The following ERC2 variants were observed in gnomAD, a reference collection of about 807,000 sequenced individuals.
ERC2 encodes the protein ELKS/RAB6-interacting/CAST family member 2.
In ERC2, 42 loss-of-function variants were observed where a neutral mutation model predicts 114.8. That is an observed-to-expected ratio of 0.37 (90% CI 0.29 to 0.47). The LOEUF is 0.47. ERC2 is among the 20% of genes least tolerant of loss of function. The pLI, the probability that ERC2 is intolerant of heterozygous loss-of-function variation, is 0.99. For missense variants in ERC2, 939 were observed against 1,150.7 expected (o/e 0.82, Z 2.66); for synonymous variants, 454 against 425.5 (o/e 1.07, Z -0.82).
At chr3:55,753,684 C>T (rs182031522) in intron 14 of ERC2, among the ~76,000 whole-genome samples, 74 of 152,274 alleles carry the variant, frequency 4.9e-4, no homozygotes, top group South Asian at 1.2e-3. Context: ...AATTCACGAA[C>T]GGAAAACGAC....
chr3:56,097,071 CATT>C (rs2078102286), intron 6 of ERC2, among the ~76,000 whole-genome samples: 4 of 152,166 alleles, frequency 2.6e-5, no homozygotes, highest in Non-Finnish European at 5.9e-5. Context: ...GACTTCACAT[CATT>C]GAGTTTTAGG....
At chr3:56,241,348 C>A (rs1169317597) in intron 3 of ERC2, among the ~76,000 whole-genome samples, 1 of 152,104 alleles carries the variant, frequency 6.6e-6, no homozygotes, top group Non-Finnish European at 1.5e-5. Context: ...AACAAGATAT[C>A]ATCTCACACC....
At chr3:56,319,134 T>A (rs1394907553) in intron 2 of ERC2, among the ~76,000 whole-genome samples, 1 of 152,102 alleles carries the variant, frequency 6.6e-6, no homozygotes. Flanking sequence ...AATCCTACTC[T>A]GGGTATTTAT....
intron 7 of ERC2, among the ~76,000 whole-genome samples, chr3:56,038,119 A>G (rs2074917979): frequency 6.6e-6 from 1 of 152,238 alleles, no homozygotes; most frequent in Non-Finnish European, 1.5e-5. Context: ...ACACAGCAAA[A>G]GAAACTATCA....
intron 2 of ERC2, among the ~76,000 whole-genome samples, chr3:56,358,270 C>T (rs2058819639): frequency 6.6e-6 from 1 of 152,170 alleles, no homozygotes; most frequent in South Asian, 2.1e-4. Flanking sequence ...GCACTAGTCC[C>T]CATCCTCCTC....
chr3:56,064,970 T>C (rs568461282), intron 7 of ERC2, among the ~76,000 whole-genome samples: 2 of 152,354 alleles, frequency 1.3e-5, no homozygotes, highest in East Asian at 1.9e-4. Context: ...TAAGCACCTA[T>C]AACATGCCAG....
At chr3:55,641,252 T>A (rs986693043) in intron 17 of ERC2, among the ~76,000 whole-genome samples, 8 of 152,070 alleles carry the variant, frequency 5.3e-5, no homozygotes, top group African/African-American at 1.9e-4. Flanking sequence ...ACTTTTCAGA[T>A]ATAAGAGCCA....
intron 7 of ERC2, among the ~76,000 whole-genome samples, chr3:56,055,212 T>TAA (rs2075959476): frequency 6.6e-6 from 1 of 152,190 alleles, no homozygotes; most frequent in Admixed American, 6.5e-5. Context: ...TTTTGTGCTG[T>TAA]AAAACCTGGG....
intron 12 of ERC2, among the ~76,000 whole-genome samples, chr3:55,959,997 G>A (rs946429713): frequency 8.5e-5 from 13 of 152,300 alleles, no homozygotes; most frequent in Admixed American, 2.6e-4. Flanking sequence ...CCTGCCCAGA[G>A]CCAATAGCGC....
intron 14 of ERC2, among the ~76,000 whole-genome samples, chr3:55,828,245 A>G (rs2060412886): frequency 6.6e-6 from 1 of 152,246 alleles, no homozygotes; most frequent in Non-Finnish European, 1.5e-5. Context: ...CATTACAGCT[A>G]AACATTCCGG....
At chr3:56,304,253 C>T (rs978968397) in intron 2 of ERC2, among the ~76,000 whole-genome samples, 5 of 152,050 alleles carry the variant, frequency 3.3e-5, no homozygotes, top group Non-Finnish European at 7.4e-5. Flanking sequence ...ACTAATAAAA[C>T]AAGCCTCTTC....
rs2063116504 is a variant in ERC2 at position 55,699,553 on chromosome 3, A to G, written c.2713-41T>C. ...ACCAAGGAAGATTCCATCAGGAGCC[A>G]GAAGATCAGTCAAAGAGATTCAGGG... On this transcript the variant is annotated intron_variant, in intron 15 of 17. Coordinates refer to ENST00000288221, the MANE Select transcript of ERC2 (RefSeq NM_015576.3). The G allele has an allele frequency of 2.5e-6, 4 of 1,569,816 alleles. No individual in the cohort carries two copies. The African/African-American group carries it at 4.1e-5, about 16-fold the overall frequency.
At chr3:56,395,536 A>G (rs2060275156) in intron 2 of ERC2, among the ~76,000 whole-genome samples, 1 of 152,164 alleles carries the variant, frequency 6.6e-6, no homozygotes, top group Non-Finnish European at 1.5e-5. Flanking sequence ...TGTCTTCGCA[A>G]TAGTGAGTTC....
chr3:55,881,195 C>A (rs557315337), intron 14 of ERC2, among the ~76,000 whole-genome samples: 2 of 152,160 alleles, frequency 1.3e-5, no homozygotes, highest in Non-Finnish European at 2.9e-5. Flanking sequence ...AGGGTACTTA[C>A]CTAATGAGTG....
chr3:56,400,051 A>C (rs1312832879), intron 2 of ERC2, among the ~76,000 whole-genome samples: 2 of 152,148 alleles, frequency 1.3e-5, no homozygotes, highest in Non-Finnish European at 1.5e-5. Context: ...CACTTATGAG[A>C]CAACTGGAAA....
At chr3:56,352,450 G>T (rs915402131) in intron 2 of ERC2, among the ~76,000 whole-genome samples, 1 of 152,162 alleles carries the variant, frequency 6.6e-6, no homozygotes, top group Non-Finnish European at 1.5e-5. Context: ...CCTAAGAACA[G>T]AGGACACAGG....
intron 14 of ERC2, among the ~76,000 whole-genome samples, chr3:55,839,292 A>C (rs79135902): frequency 2.0e-5 from 3 of 151,836 alleles, no homozygotes; most frequent in Admixed American, 6.6e-5. Flanking sequence ...AAAAAAGCTT[A>C]TAGAATTCTT....
chr3:55,841,078 A>G (rs1455734623), intron 14 of ERC2, among the ~76,000 whole-genome samples: 1 of 152,220 alleles, frequency 6.6e-6, no homozygotes, highest in African/African-American at 2.4e-5. Context: ...AAATATATCA[A>G]GTTGTATGCA....
intron 3 of ERC2, among the ~76,000 whole-genome samples, chr3:56,203,925 T>C (rs1174197296): frequency 1.3e-5 from 2 of 152,234 alleles, no homozygotes; most frequent in African/African-American, 4.8e-5. Context: ...CTTACGCCTG[T>C]AATCCCAGCA....
Sources: gnomAD v4.1 joint callset for allele counts (sites outside exome capture counted in the v4.1 genomes callset) on GRCh38, gnomAD v4.1.1 for gene constraint, MANE v1.5 for transcripts, NCBI Gene and HGNC (gene_info 2026-07-23, HGNC 2026-07-21) for gene names.